The following ATP13A1 variants were observed in gnomAD, a reference collection of about 807,000 sequenced individuals.
ATP13A1 encodes ATPase 13A1.
In ATP13A1, 55 loss-of-function variants were observed where a neutral mutation model predicts 134.8. The observed-to-expected ratio is 0.41, with a 90% CI of 0.33 to 0.51. The LOEUF (loss-of-function observed/expected upper bound fraction) is 0.51. Among genes scored for constraint, ATP13A1 ranks in the 20% least tolerant of loss-of-function variants. The pLI, the probability that ATP13A1 is intolerant of heterozygous loss-of-function variation, is 0.29. For synonymous variants in ATP13A1, 775 were observed against 725.1 expected (o/e 1.07, Z -1.10); for missense variants, 1,389 against 1,652.8 (o/e 0.84, Z 2.77).
In ATP13A1 at chr19:19,656,471, T is replaced by TG. The variant is rs2062059151; in HGVS notation, c.1083+188dup. On this transcript the variant is annotated intron_variant, in intron 7 of 25. Transcript: ENST00000357324. The surrounding 1 kb of genome is among the most constrained non-coding windows in gnomAD (Gnocchi z 4.6). ...GACATCCCAGGGCACCAATGTACCC[T>TG]GGATGCCCTTGGCTCTCTCACCTCC... Among the ~76,000 whole-genome samples the TG allele has an allele frequency of 1.3e-5, 2 of 152,076 alleles. No individual in the cohort carries two copies. The highest frequency in any genetic ancestry group is 4.1e-4 in the South Asian group (2 of 4,828).
In ATP13A1 at chr19:19,655,866, C is replaced by T. The variant is rs1347299319; in HGVS notation, c.1269+12G>A. The T allele has an allele frequency of 6.3e-7, 1 of 1,575,892 alleles. No homozygotes were observed. Among genetic ancestry groups the T allele is most frequent in the African/African-American group, 1.3e-5 (1 of 74,450 alleles). ...GCCCTGGGGCCCGCCCTCCCCAGAC[C>T]TGGCCCCGCACCTGGGATGTGTTGA... is the stretch of plus-strand genomic sequence containing the variant. On this transcript the variant is annotated intron_variant, in intron 9 of 25. Transcript: ENST00000357324. This position sits in a 1 kb window ranked among gnomAD's most constrained non-coding sequence, Gnocchi z 5.7.
chr19:19,649,192 G>C (rs1373765982), intron 19 of ATP13A1, among the ~76,000 whole-genome samples: 1 of 151,794 alleles, frequency 6.6e-6, no homozygotes, highest in African/African-American at 2.4e-5. Context: ...TGAACTCCCA[G>C]ACTCAAGTGA....
chr19:19,657,440 G>A, intron 3 of ATP13A1, 32 bp from the exon 4 acceptor site: 1 of 1,551,016 alleles, frequency 6.4e-7, no homozygotes, highest in South Asian at 1.2e-5. Flanking sequence ...CCTGTTCCCA[G>A]GGCAAGGCCT....
Position 19,654,711 on chromosome 19 carries a change from G to A in ATP13A1, c.1656-11C>T, listed in dbSNP as rs201298030. 565 of 1,606,846 alleles carry A rather than the reference G, an allele frequency of 3.5e-4. 3 individuals carry two copies. In the African/African-American group the frequency reaches 6.0e-3, roughly 17 times the overall value. Reference sequence around the variant, plus strand: ...ACCTCCTTCCCGTCTCTGCAAGGTCGGGGAACAGCTGGTTACAGAGTGCAG... The same window carrying A: ...ACCTCCTTCCCGTCTCTGCAAGGTCAGGGAACAGCTGGTTACAGAGTGCAG... On this transcript the variant is annotated splice_polypyrimidine_tract_variant and intron_variant, in intron 12 of 25. Coordinates refer to ENST00000357324, the MANE Select transcript of ATP13A1 (RefSeq NM_020410.3).
Position 19,653,420 on chromosome 19 carries a change from C to T in ATP13A1, c.2100+364G>A. The T allele has an allele frequency of 3.2e-6, 1 of 312,586 alleles. No individual in the cohort carries two copies. Among genetic ancestry groups the T allele is most frequent in the Non-Finnish European group, 6.0e-6 (1 of 166,264 alleles). The allele number at this position is 312,586 out of a possible 1,614,324, so 19.4% of individuals were successfully genotyped here. On this transcript the variant is annotated intron_variant, in intron 15 of 25. Transcript: ENST00000357324. This position sits in a 1 kb window ranked among gnomAD's most constrained non-coding sequence, Gnocchi z 4.2. Reference sequence around the variant, plus strand: ...GAAAGAACGAGAGCCCAGGAAGAAGCCAAGCGGCAGATGTGCCGGTGGTGG... The same window carrying T: ...GAAAGAACGAGAGCCCAGGAAGAAGTCAAGCGGCAGATGTGCCGGTGGTGG...
chr19:19,662,887 G>A (rs181969528), intron 1 of ATP13A1, among the ~76,000 whole-genome samples: 2 of 152,268 alleles, frequency 1.3e-5, no homozygotes, highest in East Asian at 1.9e-4. Context: ...AACCAAGGTA[G>A]GAGACAGATG....
rs147477623 is a variant in ATP13A1 at position 19,654,637 on chromosome 19, C to T, written c.1719G>A (p.Ser573=). 21 of 1,613,614 alleles carry T rather than the reference C, an allele frequency of 1.3e-5. No homozygotes were observed. Among genetic ancestry groups the T allele is most frequent in the Middle Eastern group, 1.6e-4 (1 of 6,062 alleles). Residue 573 remains serine (S), a synonymous_variant, in exon 13 of 26, where the codon TCG becomes TCA. Transcript: ENST00000357324. ...CGTCCAGCTGCATGAGCGAGTGGCA[C>T]GAGGCCAGGGCCCGGTGTGTTTCTA... ...IPVETHRALA[S]CHSLMQLDDG... is the part of the protein sequence containing the mutation.
In ATP13A1 at chr19:19,649,770, C is replaced by T. The variant is rs199761424; in HGVS notation, c.2506G>A (p.Val836Met). Residue 836 changes from valine (V) to methionine (M), a missense_variant, in exon 18 of 26, where the codon GTG becomes ATG. Physicochemically the swap from Val to Met is conservative, Grantham distance 21. This residue lies in a region of ATP13A1 where 747 missense variants were observed against 956.1 expected (regional missense o/e 0.78). Transcript: ENST00000357324. ...TGCTTGGGAGCCACACGGGCGAACACCTGCACATGGGGGATGAGGCGGAGC... is the reference window on the plus strand; with the variant it reads ...TGCTTGGGAGCCACACGGGCGAACATCTGCACATGGGGGATGAGGCGGAGC... ...QLLRLIPHVQ[V>M]FARVAPKQKE... 1 of 1,601,586 alleles carries T rather than the reference C, an allele frequency of 6.2e-7. No individual in the cohort carries two copies. Among genetic ancestry groups the T allele is most frequent in the African/African-American group, 1.3e-5 (1 of 74,880 alleles).
At position 19,655,324 on chromosome 19, in the gene ATP13A1, G is replaced by C. The variant is rs1599433772; in HGVS notation, c.1526C>G (p.Ala509Gly). Residue 509 changes from alanine to glycine, a missense_variant, in exon 11 of 26, where the codon GCC (alanine) becomes GGC (glycine). This residue lies in a region of ATP13A1 where 747 missense variants were observed against 956.1 expected (regional missense o/e 0.78). Coordinates refer to ENST00000357324, the MANE Select transcript of ATP13A1 (RefSeq NM_020410.3). This position sits in a 1 kb window ranked among gnomAD's most constrained non-coding sequence, Gnocchi z 5.7. ...LAVNTSLIAL[A>G]KLYMYCTEPF... ...CCATTTGACACACTCACAGAGCTTG[G>C]CCAGGGCGATGAGGGAGGTGTTGAC... 2 of 1,613,846 alleles carry C rather than the reference G, an allele frequency of 1.2e-6. No homozygotes were observed. Among genetic ancestry groups the C allele is most frequent in the African/African-American group, 2.7e-5 (2 of 74,922 alleles).
rs528906308 is a variant in ATP13A1, at chr19:19,653,476, T to C, written c.2100+308A>G. ...GAGGGTGGGCTTTGTGGAGGATGGA[T>C]GGGTGAGAGGGCTGAGGATGCCACC... On this transcript the variant is annotated intron_variant, in intron 15 of 25. Transcript: ENST00000357324. This position sits in a 1 kb window ranked among gnomAD's most constrained non-coding sequence, Gnocchi z 4.2. The C allele has an allele frequency of 2.9e-5, 12 of 415,280 alleles. No individual in the cohort carries two copies. Among genetic ancestry groups the C allele is most frequent in the Admixed American group, 4.2e-5 (1 of 23,904 alleles). The allele number at this position is 415,280 out of a possible 1,614,324, so 25.7% of individuals were successfully genotyped here. A position where few individuals can be genotyped will look rare whatever the true frequency, so the allele number is the denominator to read the frequency against.
Position 19,656,296 on chromosome 19 carries a change from C to T in ATP13A1, c.1084-113G>A, listed in dbSNP as rs1338287859. On this transcript the variant is annotated intron_variant, in intron 7 of 25. Transcript: ENST00000357324. This position sits in a 1 kb window ranked among gnomAD's most constrained non-coding sequence, Gnocchi z 4.6. ...GGAATGAGCCAGGGGGATCCCCACC[C>T]GACCAATACATCCCACCCAGCTCCC... 39 of 1,407,182 alleles carry T rather than the reference C, an allele frequency of 2.8e-5. No homozygotes were observed. The highest frequency in any genetic ancestry group is 4.6e-5 in the East Asian group (2 of 43,524). The allele number at this position is 1,407,182 out of a possible 1,614,324, so 87.2% of individuals were successfully genotyped here. A position where few individuals can be genotyped will look rare whatever the true frequency, so the allele number is the denominator to read the frequency against.
At position 19,653,676 on chromosome 19, in the gene ATP13A1, G is replaced by A. The variant is rs2062038746; in HGVS notation, c.2100+108C>T. ...TAGAAGCTGGAGGCGGGGCAAGGAG[G>A]ACAAAATCACAACCATTCAACCTGG... On this transcript the variant is annotated intron_variant, in intron 15 of 25. Coordinates refer to ENST00000357324, the MANE Select transcript of ATP13A1 (RefSeq NM_020410.3). The surrounding 1 kb of genome is among the most constrained non-coding windows in gnomAD (Gnocchi z 4.2). 5.6e-6 allele frequency: 6 copies of A among 1,066,368 alleles called. No individual in the cohort carries two copies. Among genetic ancestry groups the A allele is most frequent in the Non-Finnish European group, 8.1e-6 (6 of 745,170 alleles). 66.1% of individuals were successfully genotyped at this position (1,066,368 alleles called of 1,614,324 possible). A position where few individuals can be genotyped will look rare whatever the true frequency, so the allele number is the denominator to read the frequency against.
chr19:19,658,470 G>A (rs77441419), intron 3 of ATP13A1, among the ~76,000 whole-genome samples: 3,706 of 152,306 alleles, frequency 0.024, 83 homozygotes, highest in Non-Finnish European at 0.033. Flanking sequence ...CCTTGGGGTA[G>A]GGGAAGTTGC....
At position 19,646,191 on chromosome 19, in the gene ATP13A1, A is replaced by C; in HGVS notation, c.3248+14T>G. ...CAGCTGCAGGGACATCACCTCCTCC[A>C]AGGCAGCACTTACTTCTCGGGGCTC... On this transcript the variant is annotated intron_variant, in intron 23 of 25. Coordinates refer to ENST00000357324, the MANE Select transcript of ATP13A1 (RefSeq NM_020410.3). 1 of 1,613,288 alleles carries C rather than the reference A, an allele frequency of 6.2e-7. No individual in the cohort carries two copies. The highest frequency in any genetic ancestry group is 8.5e-7 in the Non-Finnish European group (1 of 1,179,562).
At chr19:19,650,277 T>C (rs956052913) in intron 17 of ATP13A1, 2 of 367,658 alleles carry the variant, frequency 5.4e-6, no homozygotes, top group South Asian at 8.4e-5. Context: ...TATTGCGCTC[T>C]CCTTGGGAAA....
At chr19:19,648,250 C>CGG (rs2061999537) in intron 19 of ATP13A1, among the ~76,000 whole-genome samples, 1 of 151,726 alleles carries the variant, frequency 6.6e-6, no homozygotes, top group Non-Finnish European at 1.5e-5. Context: ...ACCCGGGAGG[C>CGG]GGAGGTTGCA....
rs369943839 is a variant in ATP13A1 at position 19,646,356 on chromosome 19, G to A, written c.3106-9C>T. On this transcript the variant is annotated splice_polypyrimidine_tract_variant and intron_variant, in intron 22 of 25. Transcript: ENST00000357324. ...GAGAGGGTCTTGAGGGGCTGCAGCA[G>A]CAAGGCGGGTGGGGGAGTCAGGATC... 6.2e-7 allele frequency: 1 copy of A among 1,613,632 alleles called. No homozygotes were observed. The highest frequency in any genetic ancestry group is 8.5e-7 in the Non-Finnish European group (1 of 1,179,820).
chr19:19,661,076 C>G (rs527786783), intron 1 of ATP13A1, among the ~76,000 whole-genome samples: 1 of 144,820 alleles, frequency 6.9e-6, no homozygotes, highest in Non-Finnish European at 1.5e-5. Flanking sequence ...CAGACTCCAT[C>G]TCAAAAACAA....
chr19:19,663,048 G>T (rs750934627), intron 1 of ATP13A1: 1 of 738,636 alleles, frequency 1.4e-6, no homozygotes, highest in South Asian at 1.5e-5. Context: ...GACCATAACA[G>T]GGAGGACTTC....
Sources: allele counts gnomAD v4.1 joint callset (sites outside exome capture counted in the v4.1 genomes callset), GRCh38; gene constraint gnomAD v4.1.1; regional missense constraint gnomAD v4.1.1; non-coding constraint Gnocchi (gnomAD v3.1); transcripts MANE v1.5; gene names NCBI Gene and HGNC (gene_info 2026-07-23, HGNC 2026-07-21).